Variants in SPIN1 observed in about 807,000 individuals in gnomAD.
SPIN1 encodes spindlin-1.
A neutral mutation model predicts 26.0 loss-of-function variants in SPIN1; 3 were observed. The ratio of observed to expected loss-of-function variants is 0.12; its 90% CI spans 0.05 to 0.30. The LOEUF (loss-of-function observed/expected upper bound fraction) is 0.30. Ranked by LOEUF, SPIN1 falls within the 10% of genes least tolerant of loss-of-function variation. SPIN1 has a pLI of 1.00. For synonymous variants in SPIN1, 101 were observed against 116.5 expected, an observed-to-expected ratio of 0.87 and a Z score of 0.86; for missense variants, 126 against 333.4, an observed-to-expected ratio of 0.38 and a Z score of 4.84.
At chr9:88,452,254 C>T (rs1232840567) in intron 3 of SPIN1, among the ~76,000 whole-genome samples, 1 of 152,136 alleles carries the variant, frequency 6.6e-6, no homozygotes, top group Non-Finnish European at 1.5e-5. Flanking sequence ...GAAACTGATG[C>T]ATGGAGGGAT....
At chr9:88,465,781 G>A (rs571849079) in intron 4 of SPIN1, among the ~76,000 whole-genome samples, 2 of 152,274 alleles carry the variant, frequency 1.3e-5, no homozygotes, top group Admixed American at 1.3e-4. Flanking sequence ...GTTGAATTCT[G>A]TGGTTTCATA....
intron 3 of SPIN1, among the ~76,000 whole-genome samples, chr9:88,461,038 G>T (rs1032512196): frequency 6.6e-6 from 1 of 152,108 alleles, no homozygotes; most frequent in Non-Finnish European, 1.5e-5. Context: ...TTCGTATGTT[G>T]TCCAACCATG....
chr9:88,470,595 C>G (rs577557713), intron 5 of SPIN1, among the ~76,000 whole-genome samples: 26 of 128,736 alleles, frequency 2.0e-4, no homozygotes, highest in African/African-American at 1.2e-3. Context: ...CTTATTGGCC[C>G]CCCCCCTTTT....
chr9:88,415,537 T>A (rs1365745336), intron 1 of SPIN1: 1 of 152,130 alleles, frequency 6.6e-6, no homozygotes, highest in East Asian at 1.9e-4. Context: ...CACCCCAGCC[T>A]CCCAGTTAGC....
At chr9:88,426,277 G>A (rs769076832) in intron 1 of SPIN1, 105 bp from the exon 2 acceptor site, 1 of 286,794 alleles carries the variant, frequency 3.5e-6, no homozygotes, top group Non-Finnish European at 6.7e-6. Flanking sequence ...GGGACAAAAT[G>A]CACTTTAGCT....
In SPIN1 at chr9:88,393,132, CTT is replaced by C. The variant is rs79661252; in HGVS notation, c.-159+4609_-159+4610del. 1.1e-3 allele frequency among the ~76,000 whole-genome samples: 134 copies of C among 124,820 alleles called. 1 individual carries two copies. In the South Asian group the frequency reaches 0.012, roughly 11 times the overall value. The allele number at this position is 124,820 out of a possible 152,430, so 81.9% of individuals were successfully genotyped here. Reference sequence around the variant, plus strand: ...AATATTTAATGTTATGTTAAATGTGCTTTTTTTTTTTTTTTTCCTGAAGGGAG... The same window carrying C: ...AATATTTAATGTTATGTTAAATGTGCTTTTTTTTTTTTTTCCTGAAGGGAG... On this transcript the variant is annotated intron_variant, in intron 1 of 5. Transcript: ENST00000375859.
intron 2 of SPIN1, among the ~76,000 whole-genome samples, chr9:88,428,398 T>A (rs1272316283): frequency 6.6e-6 from 1 of 152,202 alleles, no homozygotes; most frequent in Non-Finnish European, 1.5e-5. Flanking sequence ...GAACCCAAGA[T>A]TTAGCTCCAA....
chr9:88,426,574 G>A lies in SPIN1; in HGVS notation c.35G>A (p.Arg12Gln), dbSNP rs751098696. 3 of 1,613,418 alleles carry A rather than the reference G, an allele frequency of 1.9e-6. No homozygotes were observed. Among genetic ancestry groups the A allele is most frequent in the African/African-American group, 1.3e-5 (1 of 74,900 alleles). ...KTPFGKTPGQ[R>Q]SRADAGHAGV... ...CCATTCGGAAAGACACCTGGCCAGC[G>A]GTCCAGAGCTGATGCAGGTAGGCAT... Residue 12 changes from arginine (R) to glutamine (Q), a missense_variant, in exon 2 of 6, where the codon CGG (arginine) becomes CAG (glutamine). Physicochemically the swap from Arg to Gln is conservative, Grantham distance 43. Transcript: ENST00000375859.
At chr9:88,390,085 GTTTC>G (rs1430368894) in intron 1 of SPIN1, among the ~76,000 whole-genome samples, 1 of 152,160 alleles carries the variant, frequency 6.6e-6, no homozygotes, top group African/African-American at 2.4e-5. Flanking sequence ...AGGAAAAATA[GTTTC>G]TTTATAATCT....
At chr9:88,429,199 C>T (rs537308052) in intron 2 of SPIN1, among the ~76,000 whole-genome samples, 1 of 152,274 alleles carries the variant, frequency 6.6e-6, no homozygotes, top group Admixed American at 6.5e-5. Context: ...TTCAATACAA[C>T]ACAGCACCTC....
At chr9:88,467,621 C>T (rs1478348201) in intron 4 of SPIN1, among the ~76,000 whole-genome samples, 1 of 151,936 alleles carries the variant, frequency 6.6e-6, no homozygotes, top group Non-Finnish European at 1.5e-5. Flanking sequence ...AGGGCAGAGG[C>T]GTGAAGGCTT....
intron 4 of SPIN1, among the ~76,000 whole-genome samples, chr9:88,464,015 T>C (rs980380007): frequency 8.5e-5 from 13 of 152,198 alleles, no homozygotes; most frequent in Admixed American, 7.9e-4. Context: ...TGACCTGTGG[T>C]TGTTGGTCCT....
chr9:88,405,093 CTGTT>C (rs1462513793), intron 1 of SPIN1, among the ~76,000 whole-genome samples: 4 of 152,168 alleles, frequency 2.6e-5, no homozygotes, highest in African/African-American at 7.2e-5. Context: ...CTGCCTGAGG[CTGTT>C]TTACAGTTAA....
intron 1 of SPIN1, among the ~76,000 whole-genome samples, chr9:88,407,456 G>T (rs1330296759): frequency 6.6e-6 from 1 of 151,574 alleles, no homozygotes; most frequent in East Asian, 2.0e-4. Context: ...CTTTTTGAAG[G>T]ATACTTCTGA....
chr9:88,457,721 A>G, intron 3 of SPIN1: 1 of 579,824 alleles, frequency 1.7e-6, no homozygotes, highest in Non-Finnish European at 2.2e-6. Flanking sequence ...TAAGGGCAAA[A>G]TAATAATTTG....
At position 88,431,991 on chromosome 9, in the gene SPIN1, TTG is replaced by T. The variant is rs1325299920; in HGVS notation, c.52+5404_52+5405del. 5.3e-5 allele frequency among the ~76,000 whole-genome samples: 8 copies of T among 152,288 alleles called. No individual in the cohort carries two copies. In the East Asian group the frequency reaches 1.5e-3, roughly 29 times the overall value. On this transcript the variant is annotated intron_variant, in intron 2 of 5. Coordinates refer to ENST00000375859, the MANE Select transcript of SPIN1 (RefSeq NM_006717.3). ...CAGGTGTTGCTGCTGTGAGCTGTGA[TTG>T]TGTCACTGCATTCCTGCCTGGGTGA...
chr9:88,401,610 G>T (rs1827187800), intron 1 of SPIN1, among the ~76,000 whole-genome samples: 1 of 152,146 alleles, frequency 6.6e-6, no homozygotes, highest in Non-Finnish European at 1.5e-5. Context: ...TATTGTTGAG[G>T]GAATAACTAC....
At chr9:88,417,819 G>A (rs1827596783) in intron 1 of SPIN1, among the ~76,000 whole-genome samples, 1 of 152,172 alleles carries the variant, frequency 6.6e-6, no homozygotes, top group Non-Finnish European at 1.5e-5. Flanking sequence ...CTATAAATTG[G>A]AGACTCCTGT....
intron 1 of SPIN1, among the ~76,000 whole-genome samples, chr9:88,409,713 C>G (rs900482374): frequency 6.6e-6 from 1 of 151,928 alleles, no homozygotes; most frequent in Non-Finnish European, 1.5e-5. Context: ...TGGCGGGCAC[C>G]TGTAGTCCCA....
Sources: gnomAD v4.1 joint callset for allele counts (sites outside exome capture counted in the v4.1 genomes callset) on GRCh38, gnomAD v4.1.1 for gene constraint, MANE v1.5 for transcripts, NCBI Gene and HGNC (gene_info 2026-07-23, HGNC 2026-07-21) for gene names.